The following SEC23IP variants were observed in gnomAD, a reference collection of about 807,000 sequenced individuals.
The protein encoded by SEC23IP is SEC23 interacting protein.
Under a neutral mutation model 113.4 loss-of-function variants are expected in SEC23IP, and 70 were observed. The observed-to-expected ratio is 0.62, with a 90% CI of 0.51 to 0.75. The LOEUF is 0.75. Among genes scored for constraint, SEC23IP ranks in the 30% least tolerant of loss-of-function variants. The pLI is 0.00. For synonymous variants in SEC23IP, 398 were observed against 421.0 expected, an observed-to-expected ratio of 0.95 and a Z score of 0.67; for missense variants, 1,160 against 1,204.9, an observed-to-expected ratio of 0.96 and a Z score of 0.55.
At chr10:119,921,053 A>G in intron 12 of SEC23IP, 69 bp downstream of exon 12, 1 of 1,125,366 alleles carries the variant, frequency 8.9e-7, no homozygotes, top group East Asian at 2.4e-5. Context: ...TATTATAGAA[A>G]ATTTTAATAC....
intron 15 of SEC23IP, 144 bp downstream of exon 15, chr10:119,930,575 T>C (rs1026041423): frequency 8.4e-6 from 4 of 478,066 alleles, no homozygotes; most frequent in Non-Finnish European, 1.5e-5. Flanking sequence ...ACTAAGAATT[T>C]GGAAGAGCTT....
rs1469285161 is a variant in SEC23IP, at chr10:119,943,301, A to C, written c.*2736A>C. On this transcript the variant is annotated 3_prime_UTR_variant, in exon 19 of 19. Coordinates refer to ENST00000369075, the MANE Select transcript of SEC23IP (RefSeq NM_007190.4). ...AGAGTGGATAGAATTCAGTTCCTCTATGAGCTGGGGTGCTGACATTGTGTT... is the reference window on the plus strand; with the variant it reads ...AGAGTGGATAGAATTCAGTTCCTCTCTGAGCTGGGGTGCTGACATTGTGTT... The C allele has an allele frequency of 6.6e-6, 1 of 152,206 alleles. No individual in the cohort carries two copies. The allele number at this position is 152,206 out of a possible 1,614,324, so 9.4% of individuals were successfully genotyped here.
chr10:119,927,041 A>AG (rs1855446156), intron 13 of SEC23IP, among the ~76,000 whole-genome samples: 1 of 152,132 alleles, frequency 6.6e-6, no homozygotes, highest in East Asian at 1.9e-4. Context: ...CTGGGAGTGT[A>AG]GCCCTGCACC....
intron 5 of SEC23IP, 95 bp from the exon 6 acceptor site, chr10:119,911,949 C>A: frequency 7.0e-7 from 1 of 1,418,760 alleles, no homozygotes; most frequent in Non-Finnish European, 9.7e-7. Context: ...ACTCTCCGTA[C>A]TCTGAGGTAT....
intron 18 of SEC23IP, among the ~76,000 whole-genome samples, chr10:119,936,418 G>T (rs1224105675): frequency 6.6e-6 from 1 of 151,588 alleles, no homozygotes; most frequent in Non-Finnish European, 1.5e-5. Flanking sequence ...AATTAGCAGG[G>T]TGTGATCTCA....
At chr10:119,915,547 T>C (rs1855022101) in intron 7 of SEC23IP, among the ~76,000 whole-genome samples, 1 of 152,186 alleles carries the variant, frequency 6.6e-6, no homozygotes, top group African/African-American at 2.4e-5. Flanking sequence ...TTTGCAATAA[T>C]GGAAAGTTTA....
At chr10:119,932,041 C>T (rs1325870049) in intron 15 of SEC23IP, 92 bp from the exon 16 acceptor site, 1 of 780,298 alleles carries the variant, frequency 1.3e-6, no homozygotes, top group South Asian at 1.6e-5. Flanking sequence ...ACAGTCTTAT[C>T]CTGTCTGAGA....
intron 12 of SEC23IP, among the ~76,000 whole-genome samples, chr10:119,925,509 T>C (rs1160711202): frequency 6.6e-6 from 1 of 152,202 alleles, no homozygotes; most frequent in African/African-American, 2.4e-5. Flanking sequence ...ATATTTAGTA[T>C]GCATTTCTAA....
chr10:119,936,175 A>G (rs191017666), intron 18 of SEC23IP, among the ~76,000 whole-genome samples: 2 of 152,276 alleles, frequency 1.3e-5, no homozygotes, highest in East Asian at 1.9e-4. Context: ...TAACTCTGAT[A>G]TGTAGTTTTA....
At chr10:119,894,892 C>CTGTGTGTGTGTGTG (rs3065498) in intron 1 of SEC23IP, among the ~76,000 whole-genome samples, 15 of 143,602 alleles carry the variant, frequency 1.0e-4, no homozygotes, top group Non-Finnish European at 7.7e-5. Flanking sequence ...TGGAGACAGT[C>CTGTGTGTGTGTGTG]TGTGTGTGTG....
chr10:119,898,430 A>G lies in SEC23IP; in HGVS notation c.167A>G (p.Asp56Gly). 2 of 1,609,646 alleles carry G rather than the reference A, an allele frequency of 1.2e-6. No homozygotes were observed. The highest frequency in any genetic ancestry group is 3.3e-5 in the Admixed American group (2 of 59,774). ...SPASLLLPGE[D>G]STDVGEEDSF... ...ATGCTCTCCTGTTCCATTTCAGAGGATTCCACAGATGTTGGTGAGGAGGAC... is the reference window on the plus strand; with the variant it reads ...ATGCTCTCCTGTTCCATTTCAGAGGGTTCCACAGATGTTGGTGAGGAGGAC... The change falls in exon 2 of 19, where the codon GAT becomes GGT. Residue 56 changes from aspartate to glycine, a missense_variant. Physicochemically the swap from Asp to Gly is moderately conservative, Grantham distance 94. Transcript: ENST00000369075.
In SEC23IP at chr10:119,933,090, T is replaced by C; in HGVS notation, c.2844T>C (p.Ile948=). The part of the protein sequence containing the change: ...KVGMLNGGRR[I]DYVLQEKPIE... Reference sequence around the variant, plus strand: ...GAATGTTAAATGGAGGCCGCCGAATTGACTACGTTCTCCAAGAAAAACCAA... The same window carrying C: ...GAATGTTAAATGGAGGCCGCCGAATCGACTACGTTCTCCAAGAAAAACCAA... Residue 948 remains isoleucine (I), a synonymous_variant, in exon 17 of 19, where the codon ATT becomes ATC. Coordinates refer to ENST00000369075, the MANE Select transcript of SEC23IP (RefSeq NM_007190.4). 1 of 1,614,018 alleles carries C rather than the reference T, an allele frequency of 6.2e-7. No individual in the cohort carries two copies. Among genetic ancestry groups the C allele is most frequent in the Non-Finnish European group, 8.5e-7 (1 of 1,179,836 alleles).
intron 13 of SEC23IP, among the ~76,000 whole-genome samples, chr10:119,927,458 C>G (rs945820301): frequency 2.0e-5 from 3 of 152,128 alleles, no homozygotes; most frequent in African/African-American, 7.2e-5. Context: ...CTTCGAGCTG[C>G]TAGGGATTTG....
intron 11 of SEC23IP, among the ~76,000 whole-genome samples, chr10:119,920,570 A>T (rs947017606): frequency 2.0e-5 from 3 of 152,212 alleles, no homozygotes; most frequent in Non-Finnish European, 4.4e-5. Flanking sequence ...GCAAGTTTCC[A>T]CAGTTGCGCT....
Position 119,892,924 on chromosome 10 carries a change from G to A in SEC23IP, c.142G>A (p.Ala48Thr). ...IPVTQASASP[A>T]SLLLPGEDST... ...AGTCACCCAGGCCTCCGCTTCTCCG[G>A]CCTCCCTGCTCTTACCGGGAGGTAA... The change falls in exon 1 of 19, where the codon GCC (alanine) becomes ACC (threonine). Residue 48 changes from alanine (A) to threonine (T), a missense_variant. Coordinates refer to ENST00000369075, the MANE Select transcript of SEC23IP (RefSeq NM_007190.4). 6.2e-7 allele frequency: 1 copy of A among 1,613,170 alleles called. No homozygotes were observed.
Position 119,941,445 on chromosome 10 carries a change from A to C in SEC23IP, c.*880A>C, listed in dbSNP as rs1271776167. ...GAAAGTATGAAATGTGTTGCTTCTG[A>C]GTTATATAAGGCTACTTCATGACAA... On this transcript the variant is annotated 3_prime_UTR_variant, in exon 19 of 19. Transcript: ENST00000369075. 1 of 152,180 alleles carries C rather than the reference A, an allele frequency of 6.6e-6. No individual in the cohort carries two copies. Among genetic ancestry groups the C allele is most frequent in the Non-Finnish European group, 1.5e-5 (1 of 68,034 alleles). 9.4% of individuals were successfully genotyped at this position (152,180 alleles called of 1,614,324 possible). A position where few individuals can be genotyped will look rare whatever the true frequency, so the allele number is the denominator to read the frequency against.
intron 4 of SEC23IP, 130 bp downstream of exon 4, chr10:119,904,407 A>G (rs1313043709): frequency 2.6e-6 from 2 of 757,474 alleles, no homozygotes; most frequent in South Asian, 3.6e-5. Flanking sequence ...GTTCACAGAG[A>G]AGATTACTTT....
chr10:119,918,515 C>T lies in SEC23IP; in HGVS notation c.1872+4C>T, dbSNP rs759725066. The T allele has an allele frequency of 1.7e-5, 26 of 1,531,430 alleles. No homozygotes were observed. The highest frequency in any genetic ancestry group is 1.1e-4 in the East Asian group (5 of 44,510). 94.9% of individuals were successfully genotyped at this position (1,531,430 alleles called of 1,614,324 possible). On this transcript the variant is annotated splice_donor_region_variant and intron_variant, in intron 10 of 18. Transcript: ENST00000369075. ...GCTACATTTTCAGGAAAAGCAGGTA[C>T]GTCTGTACGTGGCCAATTAACATTT... is the stretch of plus-strand genomic sequence containing the variant.
intron 16 of SEC23IP, 133 bp downstream of exon 16, chr10:119,932,451 TTAAGA>T (rs1855636827): frequency 1.5e-6 from 1 of 668,124 alleles, no homozygotes; most frequent in African/African-American, 1.8e-5. Context: ...GGAAAATCTG[TTAAGA>T]TAAACTGTAC....
Sources: allele counts gnomAD v4.1 joint callset (sites outside exome capture counted in the v4.1 genomes callset), GRCh38; gene constraint gnomAD v4.1.1; transcripts MANE v1.5; gene names NCBI Gene and HGNC (gene_info 2026-07-23, HGNC 2026-07-21).